Variants in THSD7B observed in about 807,000 individuals in gnomAD.
The protein encoded by THSD7B is thrombospondin type 1 domain containing 7B.
A neutral mutation model predicts 213.6 loss-of-function variants in THSD7B; 138 were observed. The ratio of observed to expected loss-of-function variants is 0.65; its 90% CI spans 0.56 to 0.74. THSD7B has a LOEUF of 0.74. Among genes scored for constraint, THSD7B ranks in the 30% least tolerant of loss-of-function variants. The pLI is 0.00. For missense variants in THSD7B, 1,931 were observed against 1,991.5 expected (o/e 0.97, Z 0.58); for synonymous variants, 742 against 687.0 (o/e 1.08, Z -1.25).
intron 2 of THSD7B, among the ~76,000 whole-genome samples, chr2:136,981,349 C>T (rs1015796370): frequency 8.5e-5 from 13 of 152,078 alleles, no homozygotes; most frequent in African/African-American, 1.9e-4. Context: ...AAAAAGATAT[C>T]GGTGCTATAT....
In THSD7B at chr2:136,860,016, A is replaced by ATTTTTTT. The variant is rs3084113; in HGVS notation, c.-35-22115_-35-22109dup. ...AGTAGATTCGAGAAAACAATTCATG[A>ATTTTTTT]TTTTTTTTTTTTTTTTTTTGAGATG... On this transcript the variant is annotated intron_variant, in intron 1 of 27. Transcript: ENST00000409968. Among the ~76,000 whole-genome samples, 28 of 120,468 alleles carry ATTTTTTT rather than the reference A, an allele frequency of 2.3e-4. 1 individual carries two copies. The highest frequency in any genetic ancestry group is 1.1e-3 in the East Asian group (4 of 3,754). 79.0% of individuals were successfully genotyped at this position (120,468 alleles called of 152,430 possible).
chr2:137,498,997 G>A (rs1245701215), intron 15 of THSD7B, among the ~76,000 whole-genome samples: 2 of 152,144 alleles, frequency 1.3e-5, no homozygotes, highest in Admixed American at 6.6e-5. Context: ...CAGGAAGTGG[G>A]CAAGGAGGTA....
intron 5 of THSD7B, among the ~76,000 whole-genome samples, chr2:137,119,110 G>A (rs1688497607): frequency 6.6e-6 from 1 of 152,156 alleles, no homozygotes; most frequent in South Asian, 2.1e-4. Context: ...CATATCATGA[G>A]TAGTATATGG....
At chr2:137,213,391 G>T (rs1356702055) in intron 7 of THSD7B, among the ~76,000 whole-genome samples, 1 of 147,008 alleles carries the variant, frequency 6.8e-6, no homozygotes, top group Admixed American at 6.9e-5. Flanking sequence ...GTTATAATAT[G>T]TACTATATTC....
intron 25 of THSD7B, 55 bp downstream of exon 25, chr2:137,659,801 T>C (rs1683309187): frequency 2.0e-6 from 3 of 1,499,964 alleles, no homozygotes; most frequent in African/African-American, 1.4e-5. Flanking sequence ...GTTTTACACA[T>C]GCAATCAGAT....
chr2:137,247,272 G>T (rs544219574), intron 10 of THSD7B, among the ~76,000 whole-genome samples: 1 of 152,268 alleles, frequency 6.6e-6, no homozygotes, highest in East Asian at 1.9e-4. Flanking sequence ...TCAAACATAT[G>T]CATAAATGAA....
intron 2 of THSD7B, among the ~76,000 whole-genome samples, chr2:136,938,967 T>C (rs1005461979): frequency 2.6e-5 from 4 of 152,160 alleles, no homozygotes; most frequent in Non-Finnish European, 5.9e-5. Context: ...TTAAGACACA[T>C]CTGTGTGACT....
At chr2:137,027,297 G>A (rs1377171793) in intron 2 of THSD7B, among the ~76,000 whole-genome samples, 1 of 152,114 alleles carries the variant, frequency 6.6e-6, no homozygotes, top group African/African-American at 2.4e-5. Flanking sequence ...TCTGGTTGGC[G>A]TGTGTCTTTC....
chr2:137,065,251 GTATTT>G (rs1347199900), intron 3 of THSD7B, among the ~76,000 whole-genome samples: 1 of 151,786 alleles, frequency 6.6e-6, no homozygotes, highest in African/African-American at 2.4e-5. Context: ...TTATTCCTAT[GTATTT>G]TATTTTATTT....
intron 5 of THSD7B, among the ~76,000 whole-genome samples, chr2:137,133,168 G>A (rs569397920): frequency 1.3e-5 from 2 of 152,230 alleles, no homozygotes; most frequent in South Asian, 4.1e-4. Context: ...CTCTTTTCCT[G>A]TCTTGAGTCA....
chr2:137,676,768 T>A lies in THSD7B; in HGVS notation c.*163T>A. 1 of 576,792 alleles carries A rather than the reference T, an allele frequency of 1.7e-6. No homozygotes were observed. Among genetic ancestry groups the A allele is most frequent in the Non-Finnish European group, 2.7e-6 (1 of 366,892 alleles). The allele number at this position is 576,792 out of a possible 1,614,324, so 35.7% of individuals were successfully genotyped here. A position where few individuals can be genotyped will look rare whatever the true frequency, so the allele number is the denominator to read the frequency against. On this transcript the variant is annotated 3_prime_UTR_variant, in exon 28 of 28. Transcript: ENST00000409968. ...GCCTCAACTTCATTTGGACATGGAG[T>A]CAAGGATTATTAGGTCTGCCATTTT... is the stretch of plus-strand genomic sequence containing the variant.
rs892029978 is a variant in THSD7B, at chr2:137,448,700, G to A, written c.2960-2145G>A. Reference sequence around the variant, plus strand: ...TGTAGTCCCAGCTACTCGGGAGGCTGAGGCCGGAGAATGGCGTGAACCCGG... The same window carrying A: ...TGTAGTCCCAGCTACTCGGGAGGCTAAGGCCGGAGAATGGCGTGAACCCGG... On this transcript the variant is annotated intron_variant, in intron 14 of 27. Coordinates refer to ENST00000409968, the MANE Select transcript of THSD7B (RefSeq NM_001316349.2). Among the ~76,000 whole-genome samples the A allele has an allele frequency of 4.6e-5, 7 of 152,132 alleles. No individual in the cohort carries two copies. The South Asian group carries it at 8.3e-4, about 18-fold the overall frequency.
At chr2:137,083,101 A>C (rs1279556963) in intron 3 of THSD7B, among the ~76,000 whole-genome samples, 1 of 152,110 alleles carries the variant, frequency 6.6e-6, no homozygotes, top group Admixed American at 6.5e-5. Flanking sequence ...AATCATGTAA[A>C]TCAAGATAAG....
intron 15 of THSD7B, among the ~76,000 whole-genome samples, chr2:137,458,469 A>C (rs1449459471): frequency 6.6e-6 from 1 of 152,154 alleles, no homozygotes; most frequent in East Asian, 1.9e-4. Flanking sequence ...TTCTTTCAAA[A>C]AAATGCATCA....
intron 15 of THSD7B, among the ~76,000 whole-genome samples, chr2:137,528,506 C>T (rs1034583923): frequency 5.3e-5 from 8 of 152,062 alleles, no homozygotes; most frequent in Admixed American, 4.6e-4. Context: ...AGTGCCTTTA[C>T]TTATAGATCA....
At chr2:137,253,021 A>G (rs73958740) in intron 10 of THSD7B, among the ~76,000 whole-genome samples, 2,753 of 151,698 alleles carry the variant, frequency 0.018, 90 homozygotes, top group African/African-American at 0.062. Flanking sequence ...GAGAATAGAA[A>G]TGCAGTAGAA....
intron 15 of THSD7B, among the ~76,000 whole-genome samples, chr2:137,550,450 A>G (rs1680825023): frequency 6.6e-6 from 1 of 152,114 alleles, no homozygotes; most frequent in African/African-American, 2.4e-5. Context: ...CTATAGGGGG[A>G]AATATAATAT....
chr2:137,206,405 A>AATACAC (rs1680984693), intron 7 of THSD7B, among the ~76,000 whole-genome samples: 1 of 152,084 alleles, frequency 6.6e-6, no homozygotes, highest in Non-Finnish European at 1.5e-5. Flanking sequence ...TTAAAGTCCC[A>AATACAC]AATACACAAT....
intron 2 of THSD7B, among the ~76,000 whole-genome samples, chr2:136,955,742 A>G (rs997253701): frequency 1.1e-4 from 16 of 152,162 alleles, no homozygotes; most frequent in Non-Finnish European, 1.5e-5. Flanking sequence ...AGACAGAAAT[A>G]TAGAAACTAT....
Sources: gnomAD v4.1 joint callset for allele counts (sites outside exome capture counted in the v4.1 genomes callset) on GRCh38, gnomAD v4.1.1 for gene constraint, MANE v1.5 for transcripts, NCBI Gene and HGNC (gene_info 2026-07-23, HGNC 2026-07-21) for gene names.